CEP112: variants seen among roughly 807,000 people sequenced by gnomAD.
The protein encoded by CEP112 is centrosomal protein 112, also known as centrosomal protein of 112 kDa.
A neutral mutation model predicts 153.0 loss-of-function variants in CEP112; 127 were observed. That is an observed-to-expected ratio of 0.83 (90% CI 0.72 to 0.96). The LOEUF is 0.96. Ranked by LOEUF, CEP112 falls within the 40% of genes least tolerant of loss-of-function variation. CEP112 has a pLI of 0.00. For synonymous variants in CEP112, 358 were observed against 374.4 expected, an observed-to-expected ratio of 0.96 and a Z score of 0.51; for missense variants, 1,089 against 1,101.2, an observed-to-expected ratio of 0.99 and a Z score of 0.16.
chr17:65,943,395 A>C (rs1055095123), intron 18 of CEP112, among the ~76,000 whole-genome samples: 8 of 152,264 alleles, frequency 5.3e-5, no homozygotes, highest in African/African-American at 1.9e-4. Context: ...ACACCATAAA[A>C]GTTTACCTAA....
rs368004960 is a variant in CEP112, at chr17:65,838,784, CA to C, written c.2394+13019del. On this transcript the variant is annotated intron_variant, in intron 21 of 26. Transcript: ENST00000535342. ...AATAAGAAAAAAAAGAGAAGAGACC[CA>C]AATAAATAAAACCAGAAATAAAAAG... is the stretch of plus-strand genomic sequence containing the variant. 1.6e-3 allele frequency among the ~76,000 whole-genome samples: 242 copies of C among 151,830 alleles called. 1 individual carries two copies. The highest frequency in any genetic ancestry group is 5.6e-3 in the African/African-American group (232 of 41,412).
At chr17:66,041,903 A>G (rs774393114) in intron 12 of CEP112, among the ~76,000 whole-genome samples, 14 of 152,208 alleles carry the variant, frequency 9.2e-5, no homozygotes, top group Non-Finnish European at 1.9e-4. Flanking sequence ...AAAACTCCCT[A>G]CTTCTTAAAC....
At position 65,648,675 on chromosome 17, in the gene CEP112, A is replaced by T. The variant is rs183256608; in HGVS notation, c.2698-7610T>A. On this transcript the variant is annotated intron_variant, in intron 24 of 26. Transcript: ENST00000535342. ...ATAAAAATTCAAAGTGACATTGGAA[A>T]AAAGGAGCCTTGAAAATCTATAATT... Among the ~76,000 whole-genome samples the T allele has an allele frequency of 3.9e-5, 6 of 152,364 alleles. No homozygotes were observed. In the East Asian group the frequency reaches 5.8e-4, roughly 15 times the overall value.
chr17:66,102,174 T>C (rs1373152619), intron 6 of CEP112, among the ~76,000 whole-genome samples: 1 of 152,178 alleles, frequency 6.6e-6, no homozygotes, highest in Non-Finnish European at 1.5e-5. Context: ...CCTGGGGTTA[T>C]GTCATATTCT....
chr17:65,638,226 G>A (rs2044887402), intron 25 of CEP112, among the ~76,000 whole-genome samples: 1 of 152,218 alleles, frequency 6.6e-6, no homozygotes, highest in Admixed American at 6.5e-5. Context: ...CAAAGCATTT[G>A]ATTATTGTGT....
intron 18 of CEP112, among the ~76,000 whole-genome samples, chr17:65,959,122 C>A (rs1027905798): frequency 3.9e-5 from 6 of 151,988 alleles, no homozygotes; most frequent in African/African-American, 1.4e-4. Context: ...TAGGAGCAAC[C>A]CACTCCATGG....
chr17:65,637,640 T>C (rs368825678), intron 25 of CEP112, among the ~76,000 whole-genome samples: 8 of 152,220 alleles, frequency 5.3e-5, no homozygotes, highest in African/African-American at 1.7e-4. Flanking sequence ...CCTTGCCTCC[T>C]AGCCCCAGGC....
At chr17:65,978,047 C>T (rs1302484277) in intron 17 of CEP112, among the ~76,000 whole-genome samples, 2 of 152,038 alleles carry the variant, frequency 1.3e-5, no homozygotes, top group African/African-American at 4.8e-5. Context: ...CACACTCCAG[C>T]CTGGGGGACA....
chr17:65,973,499 A>G (rs1331496230), intron 17 of CEP112, among the ~76,000 whole-genome samples: 1 of 152,214 alleles, frequency 6.6e-6, no homozygotes, highest in Non-Finnish European at 1.5e-5. Context: ...GGACATGAAA[A>G]CCTTTTTAAC....
chr17:66,129,716 T>C (rs201369303), intron 6 of CEP112, 30 bp downstream of exon 6: 152 of 1,449,508 alleles, frequency 1.0e-4, no homozygotes, highest in Non-Finnish European at 1.4e-4. Flanking sequence ...GACACATCTA[T>C]ATATACATAA....
chr17:65,939,077 G>A (rs757644259), intron 18 of CEP112, among the ~76,000 whole-genome samples: 2 of 152,128 alleles, frequency 1.3e-5, no homozygotes, highest in African/African-American at 2.4e-5. Context: ...CTCCCAAAGT[G>A]TTGGGATTAT....
intron 18 of CEP112, among the ~76,000 whole-genome samples, chr17:65,947,361 AT>A (rs2061684096): frequency 6.6e-6 from 1 of 152,064 alleles, no homozygotes; most frequent in African/African-American, 2.4e-5. Flanking sequence ...GTATTCATAA[AT>A]TTTTTATGAA....
At chr17:65,778,021 C>CATT (rs74729479) in intron 21 of CEP112, among the ~76,000 whole-genome samples, 31,289 of 152,066 alleles carry the variant, frequency 0.21, 3,331 homozygotes, top group South Asian at 0.28. Flanking sequence ...CTACCTCAAT[C>CATT]ATTAGCCCAT....
chr17:65,763,737 C>T (rs62062337), intron 21 of CEP112, among the ~76,000 whole-genome samples: 3 of 151,982 alleles, frequency 2.0e-5, no homozygotes, highest in Non-Finnish European at 4.4e-5. Context: ...TCCATTAAAA[C>T]CCTTAGCACA....
At chr17:65,636,201 C>G (rs531501266) in intron 26 of CEP112, among the ~76,000 whole-genome samples, 1 of 152,266 alleles carries the variant, frequency 6.6e-6, no homozygotes, top group African/African-American at 2.4e-5. Context: ...AATTCAAAGC[C>G]AAATAAGTAG....
chr17:65,792,263 G>GA (rs1268918870), intron 21 of CEP112, among the ~76,000 whole-genome samples: 2 of 152,060 alleles, frequency 1.3e-5, no homozygotes, highest in Non-Finnish European at 2.9e-5. Context: ...TTTAGCATAA[G>GA]AAAAAAACCT....
At chr17:66,119,094 C>A (rs960433555) in intron 6 of CEP112, among the ~76,000 whole-genome samples, 1 of 152,124 alleles carries the variant, frequency 6.6e-6, no homozygotes, top group Non-Finnish European at 1.5e-5. Context: ...AATGCAGGAA[C>A]AGAAAACCAA....
chr17:65,701,004 A>T (rs1389464172), intron 23 of CEP112, among the ~76,000 whole-genome samples: 2 of 152,222 alleles, frequency 1.3e-5, no homozygotes, highest in Non-Finnish European at 2.9e-5. Flanking sequence ...AGAAACTCTA[A>T]AAATGAAAAG....
chr17:65,761,255 A>T (rs2052596698), intron 21 of CEP112, among the ~76,000 whole-genome samples: 1 of 151,522 alleles, frequency 6.6e-6, no homozygotes, highest in Non-Finnish European at 1.5e-5. Context: ...TTCTGCTCTA[A>T]TTCTTTTAAA....
Sources: allele counts gnomAD v4.1 joint callset (sites outside exome capture counted in the v4.1 genomes callset), GRCh38; gene constraint gnomAD v4.1.1; transcripts MANE v1.5; gene names NCBI Gene and HGNC (gene_info 2026-07-23, HGNC 2026-07-21).